Variants in SORBS2 observed in about 807,000 individuals in gnomAD.
SORBS2 encodes sorbin and SH3 domain containing 2, also known as sorbin and SH3 domain-containing protein 2.
In SORBS2, 46 loss-of-function variants were observed where a neutral mutation model predicts 97.7. The observed-to-expected ratio is 0.47, with a 90% CI of 0.37 to 0.60. SORBS2 has a LOEUF of 0.60. Ranked by LOEUF, SORBS2 falls within the 20% of genes least tolerant of loss-of-function variation. The probability of loss-of-function intolerance (pLI) is 0.00; values close to 1 mark genes in which losing one functional copy is unlikely to be tolerated. For synonymous variants in SORBS2, 476 were observed against 473.4 expected (o/e 1.01, Z -0.07); for missense variants, 1,316 against 1,282.3 (o/e 1.03, Z -0.40).
At chr4:185,701,132 C>A (rs2098255915) in intron 2 of SORBS2, among the ~76,000 whole-genome samples, 1 of 152,186 alleles carries the variant, frequency 6.6e-6, no homozygotes, top group South Asian at 2.1e-4. Context: ...TCAGTCTGAT[C>A]TTTATTAGCC....
rs190237985 is a variant in SORBS2 at position 185,916,666 on chromosome 4, T to A, written c.-338+39530A>T. Among the ~76,000 whole-genome samples, 242 of 152,322 alleles carry A rather than the reference T, an allele frequency of 1.6e-3. 3 individuals carry two copies. Among genetic ancestry groups the A allele is most frequent in the Non-Finnish European group, 2.5e-3 (173 of 68,026 alleles). The stretch of plus-strand genomic sequence containing the variant: ...CAATTTTACTTCCCAGGGGACATTT[T>A]CTGTGTCTGGAGACATTTTTGATTG... On this transcript the variant is annotated intron_variant, in intron 1 of 20. Coordinates refer to the SORBS2 transcript ENST00000284776.
intron 1 of SORBS2, among the ~76,000 whole-genome samples, chr4:185,893,741 G>A (rs549044675): frequency 7.2e-5 from 11 of 152,242 alleles, no homozygotes; most frequent in African/African-American, 1.2e-4. Flanking sequence ...GGGGTTCCCC[G>A]GGGGAGGAGG....
intron 2 of SORBS2, among the ~76,000 whole-genome samples, chr4:185,766,260 A>G (rs1473037594): frequency 6.6e-6 from 1 of 152,186 alleles, no homozygotes; most frequent in Non-Finnish European, 1.5e-5. Flanking sequence ...CACAGAAATG[A>G]ACCATCTGGT....
intron 1 of SORBS2, among the ~76,000 whole-genome samples, chr4:185,847,860 G>A (rs1003577749): frequency 6.6e-6 from 1 of 152,144 alleles, no homozygotes; most frequent in Non-Finnish European, 1.5e-5. Context: ...TTCTGCTATC[G>A]TTTTTGATGG....
chr4:185,728,776 T>C (rs575835195), intron 2 of SORBS2, among the ~76,000 whole-genome samples: 1 of 152,372 alleles, frequency 6.6e-6, no homozygotes, highest in East Asian at 1.9e-4. Context: ...ATTTAGTGTT[T>C]GGTTTCAGTG....
rs780998556 is a variant in SORBS2 at position 185,607,883 on chromosome 4, G to A, written c.2796+3897C>T. On this transcript the variant is annotated intron_variant, in intron 12 of 14. Transcript: ENST00000418609. This position sits in a 1 kb window ranked among gnomAD's most constrained non-coding sequence, Gnocchi z 5.2. Reference sequence around the variant, plus strand: ...TAATTTTTATATTTTTAGTAGAGACGGGTTTCACCATGTTGGCCAGGCTGG... The same window carrying A: ...TAATTTTTATATTTTTAGTAGAGACAGGTTTCACCATGTTGGCCAGGCTGG... Among the ~76,000 whole-genome samples the A allele has an allele frequency of 1.3e-5, 2 of 151,890 alleles. No homozygotes were observed. Among genetic ancestry groups the A allele is most frequent in the African/African-American group, 4.8e-5 (2 of 41,340 alleles).
chr4:185,886,764 A>G (rs1389346453), intron 1 of SORBS2, among the ~76,000 whole-genome samples: 2 of 152,130 alleles, frequency 1.3e-5, no homozygotes, highest in African/African-American at 4.8e-5. Flanking sequence ...TGGGAGACGT[A>G]AAGGATGACA....
At chr4:185,910,860 T>A (rs557862925) in intron 1 of SORBS2, among the ~76,000 whole-genome samples, 1 of 152,220 alleles carries the variant, frequency 6.6e-6, no homozygotes, top group East Asian at 1.9e-4. Flanking sequence ...CATCAGTAAA[T>A]CAGAATTTAA....
At chr4:185,906,317 G>A (rs1255832596) in intron 1 of SORBS2, among the ~76,000 whole-genome samples, 1 of 152,190 alleles carries the variant, frequency 6.6e-6, no homozygotes, top group Non-Finnish European at 1.5e-5. Context: ...ATAGGCCTGA[G>A]CCACCACGCC....
intron 1 of SORBS2, among the ~76,000 whole-genome samples, chr4:185,836,369 A>G (rs2099208067): frequency 6.6e-6 from 1 of 152,222 alleles, no homozygotes; most frequent in Admixed American, 6.5e-5. Flanking sequence ...CAGAGTAGAC[A>G]GATAAAAGGT....
intron 1 of SORBS2, among the ~76,000 whole-genome samples, chr4:185,783,102 A>G (rs1472110024): frequency 6.6e-6 from 1 of 152,236 alleles, no homozygotes; most frequent in Non-Finnish European, 1.5e-5. Context: ...ATAGTACATA[A>G]TACACACCGT....
intron 2 of SORBS2, among the ~76,000 whole-genome samples, chr4:185,741,732 A>G (rs1244049739): frequency 6.6e-6 from 1 of 152,128 alleles, no homozygotes; most frequent in Non-Finnish European, 1.5e-5. Context: ...GGGTCTACAT[A>G]AAATAAATTA....
chr4:185,721,277 G>A (rs1469597108), intron 2 of SORBS2, among the ~76,000 whole-genome samples: 4 of 152,014 alleles, frequency 2.6e-5, no homozygotes, highest in Non-Finnish European at 2.9e-5. Context: ...GTTTTGCCAT[G>A]TTGGCCAGGC....
chr4:185,620,206 C>T (rs964247262), intron 7 of SORBS2, 55 bp from the exon 20 acceptor site: 1 of 1,195,412 alleles, frequency 8.4e-7, no homozygotes, highest in Non-Finnish European at 1.2e-6. Context: ...TACAAGCCAA[C>T]CTGTTCCGCC....
intron 1 of SORBS2, among the ~76,000 whole-genome samples, chr4:185,806,468 T>TCGC: frequency 2.1e-5 from 1 of 47,404 alleles, no homozygotes; most frequent in African/African-American, 8.4e-5. Flanking sequence ...TTTTTTTTTT[T>TCGC]TTTTTTTGAG....
intron 2 of SORBS2, among the ~76,000 whole-genome samples, chr4:185,768,698 C>CAA (rs1207578871): frequency 0.046 from 3,869 of 84,606 alleles, 112 homozygotes; most frequent in Non-Finnish European, 0.068. Context: ...GACTCTGTCT[C>CAA]AAAAAAAAAA....
intron 1 of SORBS2, among the ~76,000 whole-genome samples, chr4:185,872,082 T>C (rs926285133): frequency 4.6e-5 from 7 of 152,230 alleles, no homozygotes; most frequent in African/African-American, 1.7e-4. Context: ...AAAAATACAA[T>C]GGATTTGAAA....
chr4:185,733,417 C>T (rs1028437189), intron 2 of SORBS2, among the ~76,000 whole-genome samples: 58 of 152,148 alleles, frequency 3.8e-4, no homozygotes, highest in South Asian at 2.1e-4. Flanking sequence ...CCACTGGCCC[C>T]GAAACAGCGA....
At chr4:185,617,463 GAC>G (rs2096646538) in intron 9 of SORBS2, among the ~76,000 whole-genome samples, 1 of 152,058 alleles carries the variant, frequency 6.6e-6, no homozygotes, top group Admixed American at 6.6e-5. Context: ...TTCTGCCAGA[GAC>G]AGTTTCTAGA....
Sources: allele counts gnomAD v4.1 joint callset (sites outside exome capture counted in the v4.1 genomes callset), GRCh38; gene constraint gnomAD v4.1.1; non-coding constraint Gnocchi (gnomAD v3.1); transcripts MANE v1.5; gene names NCBI Gene and HGNC (gene_info 2026-07-23, HGNC 2026-07-21).